The following GRM8 variants were observed in gnomAD, a reference collection of about 807,000 sequenced individuals.
GRM8 encodes metabotropic glutamate receptor 8.
Under a neutral mutation model 87.2 loss-of-function variants are expected in GRM8, and 47 were observed. That is an observed-to-expected ratio of 0.54 (90% CI 0.43 to 0.69). The LOEUF is 0.69. Among genes scored for constraint, GRM8 ranks in the 30% least tolerant of loss-of-function variants. The probability of loss-of-function intolerance (pLI) is 0.00; values close to 1 mark genes in which losing one functional copy is unlikely to be tolerated. For missense variants in GRM8, 1,019 were observed against 1,139.2 expected, an observed-to-expected ratio of 0.89 and a Z score of 1.52; for synonymous variants, 396 against 404.5, an observed-to-expected ratio of 0.98 and a Z score of 0.25.
chr7:126,860,694 G>A (rs1563257700), intron 6 of GRM8, among the ~76,000 whole-genome samples: 1 of 152,008 alleles, frequency 6.6e-6, no homozygotes, highest in African/African-American at 2.4e-5. Context: ...TTTATTTATG[G>A]AAACTGCAAG....
At chr7:126,996,480 C>T (rs1396832852) in intron 3 of GRM8, among the ~76,000 whole-genome samples, 5 of 151,842 alleles carry the variant, frequency 3.3e-5, no homozygotes, top group Admixed American at 2.6e-4. Flanking sequence ...ATGAACTAAA[C>T]TCTGTAATCA....
chr7:127,231,042 A>C (rs780605282), intron 2 of GRM8, among the ~76,000 whole-genome samples: 3 of 152,206 alleles, frequency 2.0e-5, no homozygotes, highest in Non-Finnish European at 4.4e-5. Context: ...CTACAGTACA[A>C]GTAACATTGA....
At chr7:126,875,536 A>G (rs1799458934) in intron 6 of GRM8, among the ~76,000 whole-genome samples, 1 of 152,212 alleles carries the variant, frequency 6.6e-6, no homozygotes, top group Non-Finnish European at 1.5e-5. Context: ...AAACAATTAT[A>G]TGTTCCCCAT....
intron 7 of GRM8, among the ~76,000 whole-genome samples, chr7:126,756,008 T>C (rs989393041): frequency 6.6e-6 from 1 of 151,998 alleles, no homozygotes; most frequent in African/African-American, 2.4e-5. Flanking sequence ...AATATTTATG[T>C]TCCTTCAGTC....
At chr7:126,525,238 AC>A (rs1414924639) in intron 9 of GRM8, among the ~76,000 whole-genome samples, 1 of 152,174 alleles carries the variant, frequency 6.6e-6, no homozygotes, top group Non-Finnish European at 1.5e-5. Flanking sequence ...CCTGGAACTT[AC>A]CCCAGGAGAA....
chr7:126,732,085 A>G (rs576481511), intron 7 of GRM8, among the ~76,000 whole-genome samples: 23 of 152,170 alleles, frequency 1.5e-4, no homozygotes, highest in African/African-American at 5.3e-4. Flanking sequence ...TCTTACTTAA[A>G]TGTGCTAGTA....
At chr7:127,015,064 G>GAAGAAGAAGAAGAAGAAGA (rs1554568485) in intron 3 of GRM8, among the ~76,000 whole-genome samples, 9 of 87,834 alleles carry the variant, frequency 1.0e-4, no homozygotes, top group African/African-American at 2.6e-4. Context: ...AGAAGAAGAA[G>GAAGAAGAAGAAGAAGAAGA]AAGAAAGAAA....
intron 8 of GRM8, among the ~76,000 whole-genome samples, chr7:126,588,312 A>C (rs952462725): frequency 6.6e-6 from 1 of 152,116 alleles, no homozygotes; most frequent in Non-Finnish European, 1.5e-5. Flanking sequence ...GAAAGTTGAA[A>C]AGTGTTTTGA....
At chr7:127,147,418 C>A (rs1468682793) in intron 2 of GRM8, among the ~76,000 whole-genome samples, 1 of 152,026 alleles carries the variant, frequency 6.6e-6, no homozygotes, top group Admixed American at 6.6e-5. Flanking sequence ...TATTGTTAAA[C>A]CCTTTCGTAA....
At chr7:126,528,673 C>G (rs1814316449) in intron 9 of GRM8, among the ~76,000 whole-genome samples, 1 of 149,946 alleles carries the variant, frequency 6.7e-6, no homozygotes. Flanking sequence ...ATAATCAACC[C>G]TTTTCCTGCT....
chr7:127,178,119 G>C (rs1563560697), intron 2 of GRM8, among the ~76,000 whole-genome samples: 5 of 152,028 alleles, frequency 3.3e-5, no homozygotes, highest in Middle Eastern at 3.2e-3. Flanking sequence ...GAACTGAAGG[G>C]AAAATTATTC....
chr7:127,094,022 A>G (rs966001834), intron 3 of GRM8, among the ~76,000 whole-genome samples: 1 of 152,246 alleles, frequency 6.6e-6, no homozygotes, highest in African/African-American at 2.4e-5. Context: ...TGCTTAGTTG[A>G]TACATGATGA....
intron 6 of GRM8, among the ~76,000 whole-genome samples, chr7:126,811,276 T>C (rs1021467628): frequency 6.6e-6 from 1 of 152,126 alleles, no homozygotes; most frequent in African/African-American, 2.4e-5. Flanking sequence ...TATAGCTTTG[T>C]AGTATAATTT....
chr7:127,159,983 A>C (rs1429903827), intron 2 of GRM8, among the ~76,000 whole-genome samples: 1 of 152,180 alleles, frequency 6.6e-6, no homozygotes, highest in East Asian at 1.9e-4. Flanking sequence ...AGCAAAACTA[A>C]AGAATAAATA....
intron 6 of GRM8, among the ~76,000 whole-genome samples, chr7:126,861,511 T>C (rs1013152024): frequency 2.0e-4 from 30 of 152,164 alleles, no homozygotes; most frequent in African/African-American, 2.2e-4. Context: ...CTCCCACCAC[T>C]AGTATTTGAT....
intron 2 of GRM8, among the ~76,000 whole-genome samples, chr7:127,116,181 C>A (rs1185440105): frequency 6.6e-6 from 1 of 152,194 alleles, no homozygotes; most frequent in Non-Finnish European, 1.5e-5. Context: ...TTTATAGCAT[C>A]TCCTTATCTT....
intron 3 of GRM8, among the ~76,000 whole-genome samples, chr7:126,912,455 T>C (rs1345702520): frequency 6.6e-6 from 1 of 152,206 alleles, no homozygotes; most frequent in Non-Finnish European, 1.5e-5. Flanking sequence ...GGTCTCCAAT[T>C]TGCAGACAGA....
At chr7:126,662,124 T>C (rs1294083788) in intron 7 of GRM8, among the ~76,000 whole-genome samples, 1 of 152,244 alleles carries the variant, frequency 6.6e-6, no homozygotes, top group Non-Finnish European at 1.5e-5. Context: ...GTTTGTTTTG[T>C]TTTGTTTTTT....
intron 7 of GRM8, among the ~76,000 whole-genome samples, chr7:126,729,650 G>A (rs1813384397): frequency 6.6e-6 from 1 of 152,160 alleles, no homozygotes; most frequent in South Asian, 2.1e-4. Context: ...CAGATACTGG[G>A]TAACTGACTA....
Sources: gnomAD v4.1 joint callset for allele counts (sites outside exome capture counted in the v4.1 genomes callset) on GRCh38, gnomAD v4.1.1 for gene constraint, MANE v1.5 for transcripts, NCBI Gene and HGNC (gene_info 2026-07-23, HGNC 2026-07-21) for gene names.